RBM44: variants seen among roughly 807,000 people sequenced by gnomAD.
RBM44 encodes the protein RNA-binding protein 44.
Under a neutral mutation model 105.1 loss-of-function variants are expected in RBM44, and 66 were observed. The observed-to-expected ratio is 0.63, with a 90% CI of 0.52 to 0.77. RBM44 has a LOEUF of 0.77. Ranked by LOEUF, RBM44 falls within the 30% of genes least tolerant of loss-of-function variation. The probability of loss-of-function intolerance (pLI) is 0.00; values close to 1 mark genes in which losing one functional copy is unlikely to be tolerated. For synonymous variants in RBM44, 365 were observed against 417.6 expected (o/e 0.87, Z 1.54); for missense variants, 1,122 against 1,207.8 (o/e 0.93, Z 1.05).
intron 1 of RBM44, among the ~76,000 whole-genome samples, chr2:237,801,007 C>T (rs2061540169): frequency 6.6e-6 from 1 of 152,198 alleles, no homozygotes; most frequent in Non-Finnish European, 1.5e-5. Context: ...GTGTGAGCTA[C>T]TGCGCCCAGC....
At chr2:237,809,201 A>G (rs2061630292) in intron 1 of RBM44, among the ~76,000 whole-genome samples, 1 of 152,140 alleles carries the variant, frequency 6.6e-6, no homozygotes, top group African/African-American at 2.4e-5. Flanking sequence ...AAGTCTTATG[A>G]ATTGTCCAAA....
Position 237,817,225 on chromosome 2 carries a change from T to C in RBM44, c.306T>C (p.Ser102=). ...TTCAGTCAAGTGAACTTGAAGACAGTACTGACTATGCTTTCTTGAATAAAA... is the reference window on the plus strand; with the variant it reads ...TTCAGTCAAGTGAACTTGAAGACAGCACTGACTATGCTTTCTTGAATAAAA... ...TQFQSSELED[S]TDYAFLNKTY... is the part of the protein sequence containing the mutation. The change falls in exon 3 of 16, where the codon AGT becomes AGC. Residue 102 remains serine (S), a synonymous_variant. Transcript: ENST00000316997. 2.5e-6 allele frequency: 4 copies of C among 1,604,116 alleles called. No individual in the cohort carries two copies. The highest frequency in any genetic ancestry group is 3.4e-6 in the Non-Finnish European group (4 of 1,176,190).
At chr2:237,810,219 A>G (rs983107783) in intron 1 of RBM44, among the ~76,000 whole-genome samples, 3 of 152,254 alleles carry the variant, frequency 2.0e-5, no homozygotes, top group African/African-American at 7.2e-5. Context: ...TTTAATAGCC[A>G]TGTGTGGCTG....
At chr2:237,820,923 C>T in intron 5 of RBM44, 148 bp from the exon 6 acceptor site, 4 of 541,072 alleles carry the variant, frequency 7.4e-6, no homozygotes, top group Non-Finnish European at 1.3e-5. Flanking sequence ...CATTGTGGCA[C>T]ACATGTAGTC....
chr2:237,799,603 G>T (rs539422835), intron 1 of RBM44, among the ~76,000 whole-genome samples: 1 of 152,228 alleles, frequency 6.6e-6, no homozygotes, highest in African/African-American at 2.4e-5. Context: ...ACCGCGCCCG[G>T]CCAGGGCCTG....
chr2:237,839,417 C>T (rs929670749), intron 15 of RBM44, among the ~76,000 whole-genome samples: 1 of 152,086 alleles, frequency 6.6e-6, no homozygotes, highest in East Asian at 1.9e-4. Flanking sequence ...ACTACAGTCA[C>T]GCGCCAACAC....
chr2:237,817,695 T>C lies in RBM44; in HGVS notation c.776T>C (p.Leu259Pro). The change falls in exon 3 of 16, where the codon CTT becomes CCT. Residue 259 changes from leucine (L) to proline (P), a missense_variant. By Grantham distance (98) the Leu-to-Pro change is moderately conservative. Around this residue, in one of 3 missense-constraint regions of RBM44, gnomAD observed 918 missense variants for 955.3 expected, o/e 0.96. Coordinates refer to ENST00000316997, the MANE Select transcript of RBM44 (RefSeq NM_001080504.3). ...SLDVYGQEES[L>P]HVSKFQNSVM... is the part of the protein sequence containing the mutation. Reference sequence around the variant, plus strand: ...GATGTTTATGGACAAGAAGAGTCACTTCATGTCTCCAAATTTCAGAATTCT... The same window carrying C: ...GATGTTTATGGACAAGAAGAGTCACCTCATGTCTCCAAATTTCAGAATTCT... The C allele has an allele frequency of 6.2e-7, 1 of 1,612,642 alleles. No individual in the cohort carries two copies. The highest frequency in any genetic ancestry group is 8.5e-7 in the Non-Finnish European group (1 of 1,179,244).
At chr2:237,808,440 GC>G (rs1422252613) in intron 1 of RBM44, among the ~76,000 whole-genome samples, 3 of 150,128 alleles carry the variant, frequency 2.0e-5, no homozygotes, top group Admixed American at 2.0e-4. Context: ...ACAGAGCAAG[GC>G]CCTGTCCCCT....
chr2:237,813,775 A>G, intron 2 of RBM44, 93 bp downstream of exon 2: 1 of 792,416 alleles, frequency 1.3e-6, no homozygotes, highest in Non-Finnish European at 2.2e-6. Context: ...GCTGCTTTTT[A>G]ACTCTTCCTC....
intron 6 of RBM44, 43 bp from the exon 7 acceptor site, chr2:237,821,303 A>AAC: frequency 6.4e-6 from 10 of 1,556,396 alleles, no homozygotes; most frequent in Non-Finnish European, 8.7e-6. Flanking sequence ...ATTTAGACAA[A>AAC]ACATTTTAAA....
intron 15 of RBM44, among the ~76,000 whole-genome samples, chr2:237,837,891 T>G (rs1472234569): frequency 2.0e-5 from 3 of 151,322 alleles, no homozygotes; most frequent in African/African-American, 7.3e-5. Flanking sequence ...GGATTTGGAA[T>G]AGTACATAAA....
chr2:237,802,368 G>C (rs1057029083), intron 1 of RBM44, among the ~76,000 whole-genome samples: 2 of 152,132 alleles, frequency 1.3e-5, no homozygotes, highest in Non-Finnish European at 2.9e-5. Flanking sequence ...TCTAGGTTTC[G>C]TGCTACCTAT....
chr2:237,824,806 A>G (rs2061831320), intron 10 of RBM44, among the ~76,000 whole-genome samples: 1 of 151,998 alleles, frequency 6.6e-6, no homozygotes. Flanking sequence ...GATGAAAACT[A>G]TTTGTTTTCT....
chr2:237,830,746 T>G (rs2061894834), intron 13 of RBM44, among the ~76,000 whole-genome samples: 1 of 152,200 alleles, frequency 6.6e-6, no homozygotes, highest in African/African-American at 2.4e-5. Flanking sequence ...AGACTGGAAC[T>G]GTTTCGCTGA....
chr2:237,829,967 TG>T (rs771974711), intron 13 of RBM44, among the ~76,000 whole-genome samples: 2 of 152,122 alleles, frequency 1.3e-5, no homozygotes, highest in African/African-American at 2.4e-5. Flanking sequence ...GCAAATTGCC[TG>T]GAGTCCCATA....
chr2:237,838,959 C>G (rs1203058409), intron 15 of RBM44, among the ~76,000 whole-genome samples: 1 of 152,218 alleles, frequency 6.6e-6, no homozygotes, highest in African/African-American at 2.4e-5. Flanking sequence ...CTAGCACATA[C>G]TGTAGCTCCA....
At chr2:237,822,905 T>C (rs769844069) in intron 8 of RBM44, among the ~76,000 whole-genome samples, 2 of 152,014 alleles carry the variant, frequency 1.3e-5, no homozygotes, top group Non-Finnish European at 2.9e-5. Flanking sequence ...CAGCTACTCA[T>C]GTACCATCTT....
chr2:237,799,247 G>A (rs989603961), intron 1 of RBM44: 1 of 152,432 alleles, frequency 6.6e-6, no homozygotes, highest in African/African-American at 2.4e-5. Flanking sequence ...GGGGACTCTA[G>A]CGAGAGGGGG....
chr2:237,824,249 A>G, intron 9 of RBM44, 42 bp from the exon 10 acceptor site: 1 of 1,605,820 alleles, frequency 6.2e-7, no homozygotes, highest in Non-Finnish European at 8.5e-7. Flanking sequence ...AGTGTGTTGG[A>G]CGTTACGTGT....
Sources: gnomAD v4.1 joint callset for allele counts (sites outside exome capture counted in the v4.1 genomes callset) on GRCh38, gnomAD v4.1.1 for gene constraint, gnomAD v4.1.1 regional missense constraint, MANE v1.5 for transcripts, NCBI Gene and HGNC (gene_info 2026-07-23, HGNC 2026-07-21) for gene names.